The following PPP1R13B variants were observed in gnomAD, a reference collection of about 807,000 sequenced individuals.
PPP1R13B encodes protein phosphatase 1 regulatory subunit 13B.
Under a neutral mutation model 119.8 loss-of-function variants are expected in PPP1R13B, and 44 were observed. The observed-to-expected ratio is 0.37, with a 90% CI of 0.29 to 0.47. The LOEUF is 0.47. PPP1R13B is among the 20% of genes least tolerant of loss of function. PPP1R13B has a pLI of 0.99. For missense variants in PPP1R13B, 1,227 were observed against 1,413.5 expected, an observed-to-expected ratio of 0.87 and a Z score of 2.12; for synonymous variants, 542 against 561.5, an observed-to-expected ratio of 0.97 and a Z score of 0.49.
chr14:103,796,413 T>C (rs772992845), intron 2 of PPP1R13B, among the ~76,000 whole-genome samples: 3 of 152,024 alleles, frequency 2.0e-5, no homozygotes, highest in Admixed American at 1.3e-4. Context: ...CAAATCACAA[T>C]CACAATAAGA....
chr14:103,789,025 C>T (rs1044607235), intron 2 of PPP1R13B, among the ~76,000 whole-genome samples: 5 of 152,072 alleles, frequency 3.3e-5, no homozygotes, highest in African/African-American at 1.2e-4. Context: ...AAACATCTTC[C>T]CCAACACCTC....
intron 1 of PPP1R13B, among the ~76,000 whole-genome samples, chr14:103,832,748 G>A (rs2152078398): frequency 1.3e-5 from 2 of 152,252 alleles, no homozygotes; most frequent in South Asian, 4.1e-4. Flanking sequence ...GGGGCGGGGT[G>A]CAGGGGGAAG....
At chr14:103,750,428 G>A (rs955327695) in intron 7 of PPP1R13B, among the ~76,000 whole-genome samples, 1 of 152,220 alleles carries the variant, frequency 6.6e-6, no homozygotes, top group Non-Finnish European at 1.5e-5. Context: ...GAAAATATCA[G>A]AGTGTACTTC....
rs771953413 is a variant in PPP1R13B, at chr14:103,749,850, T to C, written c.913A>G (p.Met305Val). Residue 305 changes from methionine (M) to valine (V), a missense_variant, in exon 8 of 17, where the codon ATG becomes GTG. Met to Val is a conservative substitution (Grantham distance 21, BLOSUM62 1). Coordinates refer to ENST00000202556, the MANE Select transcript of PPP1R13B (RefSeq NM_015316.3). The part of the protein sequence containing the change: ...LLNKRNMEVA[M>V]MDKRISELRE... ...AGTTCACTGATTCGCTTGTCCATCA[T>C]GGCCACCTCCATGTTGCGCTTATTT... The C allele has an allele frequency of 1.2e-6, 2 of 1,614,200 alleles. No individual in the cohort carries two copies. Among genetic ancestry groups the C allele is most frequent in the Non-Finnish European group, 1.7e-6 (2 of 1,180,036 alleles).
At position 103,794,412 on chromosome 14, in the gene PPP1R13B, C is replaced by A. The variant is rs56726846; in HGVS notation, c.157+2959G>T. 9.3e-3 allele frequency among the ~76,000 whole-genome samples: 1,406 copies of A among 151,650 alleles called. 26 individuals carry two copies. The highest frequency in any genetic ancestry group is 0.032 in the African/African-American group (1,305 of 41,338). ...CACAATCTCGGCTCACTGCAACCTC[C>A]GCCTCCCAGGTTCAAGCGATTCTCC... On this transcript the variant is annotated intron_variant, in intron 2 of 16. Transcript: ENST00000202556.
chr14:103,771,682 T>C (rs778043941), intron 4 of PPP1R13B, among the ~76,000 whole-genome samples: 2 of 152,052 alleles, frequency 1.3e-5, no homozygotes, highest in African/African-American at 2.4e-5. Flanking sequence ...GGTTTCACCA[T>C]GTTGGCCAGG....
chr14:103,798,144 A>C (rs1258324276), intron 1 of PPP1R13B, among the ~76,000 whole-genome samples: 1 of 147,550 alleles, frequency 6.8e-6, no homozygotes, highest in Non-Finnish European at 1.5e-5. Context: ...CATTAAATAT[A>C]ATAATCTCTT....
intron 1 of PPP1R13B, among the ~76,000 whole-genome samples, chr14:103,814,803 G>A (rs1268028995): frequency 6.6e-6 from 1 of 152,008 alleles, no homozygotes; most frequent in East Asian, 1.9e-4. Flanking sequence ...AAATTAGCCG[G>A]GCATGGTGGT....
intron 4 of PPP1R13B, among the ~76,000 whole-genome samples, chr14:103,778,176 A>T (rs960948790): frequency 6.8e-6 from 1 of 146,790 alleles, no homozygotes; most frequent in African/African-American, 2.5e-5. Flanking sequence ...CTGGTCTTGA[A>T]CTCCTGACCT....
At chr14:103,831,371 G>A (rs2086661146) in intron 1 of PPP1R13B, among the ~76,000 whole-genome samples, 2 of 147,930 alleles carry the variant, frequency 1.4e-5, no homozygotes, top group East Asian at 4.0e-4. Flanking sequence ...GTGCAGTGGT[G>A]CGATCTCAGC....
chr14:103,756,583 C>T (rs977508643), intron 5 of PPP1R13B, among the ~76,000 whole-genome samples: 1 of 152,102 alleles, frequency 6.6e-6, no homozygotes, highest in Admixed American at 6.6e-5. Context: ...ACAAGTCCAG[C>T]CTAGAGTAGC....
At chr14:103,829,259 G>A (rs2086616315) in intron 1 of PPP1R13B, among the ~76,000 whole-genome samples, 1 of 152,130 alleles carries the variant, frequency 6.6e-6, no homozygotes, top group South Asian at 2.1e-4. Flanking sequence ...AAGGAAACTA[G>A]TTACCTAAAG....
At chr14:103,761,746 G>C (rs1027575137) in intron 4 of PPP1R13B, among the ~76,000 whole-genome samples, 2 of 144,812 alleles carry the variant, frequency 1.4e-5, no homozygotes, top group Non-Finnish European at 3.0e-5. Context: ...CTGGGCAACA[G>C]AGCAAGACTC....
At position 103,734,854 on chromosome 14, in the gene PPP1R13B, G is replaced by A. The variant is rs151198521; in HGVS notation, c.*300C>T. On this transcript the variant is annotated 3_prime_UTR_variant, in exon 17 of 17. Transcript: ENST00000202556. Reference sequence around the variant, plus strand: ...CTTCTGTCTTCACTGGCAACCAACCGGGGGTTATGGGACTTCTTAATGGCA... The same window carrying A: ...CTTCTGTCTTCACTGGCAACCAACCAGGGGTTATGGGACTTCTTAATGGCA... 422 of 499,256 alleles carry A rather than the reference G, an allele frequency of 8.5e-4. 3 individuals carry two copies. In the East Asian group the frequency reaches 0.016, roughly 19 times the overall value. 30.9% of individuals were successfully genotyped at this position (499,256 alleles called of 1,614,324 possible).
intron 4 of PPP1R13B, among the ~76,000 whole-genome samples, chr14:103,775,864 G>A (rs780369354): frequency 6.6e-6 from 1 of 152,120 alleles, no homozygotes; most frequent in Non-Finnish European, 1.5e-5. Flanking sequence ...GCAGGAATGT[G>A]AAGAGGGAGA....
At chr14:103,779,526 T>C (rs1252236040) in intron 3 of PPP1R13B, among the ~76,000 whole-genome samples, 1 of 148,716 alleles carries the variant, frequency 6.7e-6, no homozygotes, top group African/African-American at 2.5e-5. Context: ...CTTTGGGAGG[T>C]GCTGGGATTC....
At chr14:103,744,564 C>T (rs2084342787) in intron 9 of PPP1R13B, among the ~76,000 whole-genome samples, 1 of 152,222 alleles carries the variant, frequency 6.6e-6, no homozygotes, top group Non-Finnish European at 1.5e-5. Context: ...TGATTTTGTA[C>T]ATATTAAAGA....
Position 103,741,824 on chromosome 14 carries a change from T to G in PPP1R13B, c.1788A>C (p.Ala596=), listed in dbSNP as rs374101614. 4.9e-5 allele frequency: 79 copies of G among 1,614,136 alleles called. No homozygotes were observed. Among genetic ancestry groups the G allele is most frequent in the Middle Eastern group, 1.6e-4 (1 of 6,084 alleles). Residue 596 remains alanine, a synonymous_variant, in exon 11 of 17, where the codon GCA becomes GCC. Coordinates refer to ENST00000202556, the MANE Select transcript of PPP1R13B (RefSeq NM_015316.3). Reference sequence around the variant, plus strand: ...CTGACTTATTTAAGGCGCTGTGTGCTGCCGGCTGGTAATTCTTAGGTGGTG... The same window carrying G: ...CTGACTTATTTAAGGCGCTGTGTGCGGCCGGCTGGTAATTCTTAGGTGGTG... ...QATPPKNYQP[A]AHSALNKSVK... is the part of the protein sequence containing the mutation.
intron 1 of PPP1R13B, among the ~76,000 whole-genome samples, chr14:103,811,624 G>C (rs533202344): frequency 6.6e-6 from 1 of 151,802 alleles, no homozygotes; most frequent in Non-Finnish European, 1.5e-5. Context: ...GAAGGTCGAG[G>C]CTGCAGTGAG....
Sources: gnomAD v4.1 joint callset for allele counts (sites outside exome capture counted in the v4.1 genomes callset) on GRCh38, gnomAD v4.1.1 for gene constraint, MANE v1.5 for transcripts, NCBI Gene and HGNC (gene_info 2026-07-23, HGNC 2026-07-21) for gene names.